LETMD1: variants seen among roughly 807,000 people sequenced by gnomAD.
LETMD1 encodes LETM1 domain containing 1, also known as LETM1 domain-containing protein 1.
LETMD1 carries 30 observed loss-of-function variants against 43.9 expected under a neutral mutation model. The ratio of observed to expected loss-of-function variants is 0.68; its 90% confidence interval spans 0.51 to 0.93. LETMD1 has a LOEUF of 0.93. Ranked by LOEUF, LETMD1 falls within the 40% of genes least tolerant of loss-of-function variation. The pLI, the probability that LETMD1 is intolerant of heterozygous loss-of-function variation, is 0.00. For synonymous variants in LETMD1, 176 were observed against 163.1 expected (o/e 1.08, Z -0.60); for missense variants, 413 against 447.7 (o/e 0.92, Z 0.70).
At chr12:51,055,134 A>G (rs913309343) in intron 4 of LETMD1, among the ~76,000 whole-genome samples, 5 of 151,984 alleles carry the variant, frequency 3.3e-5, no homozygotes, top group Admixed American at 2.6e-4. Context: ...CCTTTTACAT[A>G]CTGGGTCCAC....
chr12:51,049,255 A>C (rs913464021), intron 2 of LETMD1, 70 bp downstream of exon 2: 30 of 1,388,720 alleles, frequency 2.2e-5, no homozygotes, highest in Non-Finnish European at 3.0e-5. Flanking sequence ...AGCATAAATA[A>C]GATCATTTGC....
At chr12:51,066,870 G>A in the LETMD1 span, among the ~76,000 whole-genome samples, 5 of 151,884 alleles carry the variant, frequency 3.3e-5, no homozygotes, top group East Asian at 1.9e-4. Flanking sequence ...TCTGTCGCCC[G>A]GGCTGGAGTG....
At chr12:51,055,142 C>T (rs1265824538) in intron 4 of LETMD1, among the ~76,000 whole-genome samples, 2 of 151,966 alleles carry the variant, frequency 1.3e-5, no homozygotes, top group Admixed American at 1.3e-4. Flanking sequence ...ATACTGGGTC[C>T]ACATAAGGAC....
downstream of LETMD1, chr12:51,064,651 GA>G: frequency 6.5e-7 from 1 of 1,528,066 alleles, no homozygotes; most frequent in South Asian, 1.3e-5. Flanking sequence ...CAGCCACATG[GA>G]AAGGACATGC....
Position 51,055,853 on chromosome 12 carries a change from A to G in LETMD1, c.492A>G (p.Gln164=), listed in dbSNP as rs753294576. 2 of 1,608,194 alleles carry G rather than the reference A, an allele frequency of 1.2e-6. No individual in the cohort carries two copies. The highest frequency in any genetic ancestry group is 1.7e-6 in the Non-Finnish European group (2 of 1,177,142). ...VFLLMYLFPR[Q]LLIRHFWTPK... ...CTTTCAGGTACCTGTTTCCCAGGCA[A>G]CTACTGATCAGGCATTTCTGGACCC... Residue 164 remains glutamine, a synonymous_variant, in exon 5 of 9, where the codon CAA becomes CAG. Transcript: ENST00000262055.
rs12304653 is a variant in LETMD1 at position 51,053,595 on chromosome 12, A to G, written c.391-183A>G. ...GAGGCAGAGGTTGCAGTGAGCTAGG[A>G]TTGCACCACTGCACTCCAGCCTAGG... is the stretch of plus-strand genomic sequence containing the variant. On this transcript the variant is annotated intron_variant, in intron 3 of 8. Transcript: ENST00000262055. Among the ~76,000 whole-genome samples the G allele has an allele frequency of 7.6e-3, 1,164 of 152,270 alleles. 9 individuals carry two copies. The highest frequency in any genetic ancestry group is 0.026 in the African/African-American group (1,087 of 41,548).
At chr12:51,063,668 A>G, downstream of LETMD1, 6 of 1,117,696 alleles carry the variant, frequency 5.4e-6, no homozygotes, top group Non-Finnish European at 7.4e-6. Context: ...CTGCTTCTAC[A>G]GTTTTGTTTT....
chr12:51,063,830 C>T, downstream of LETMD1: 2 of 1,613,646 alleles, frequency 1.2e-6, no homozygotes, highest in Non-Finnish European at 1.7e-6. Flanking sequence ...TCCCACAGCC[C>T]TCTTCATTGT....
At chr12:51,058,178 A>G in intron 8 of LETMD1, 50 bp downstream of exon 8, 2 of 1,180,594 alleles carry the variant, frequency 1.7e-6, no homozygotes, top group Non-Finnish European at 2.5e-6. Context: ...TCACTTTTGT[A>G]TTTTATTCTG....
rs766353061 is a variant in LETMD1 at position 51,049,199 on chromosome 12, T to C, written c.274+14T>C. On this transcript the variant is annotated intron_variant, in intron 2 of 8. Transcript: ENST00000262055. ...TCTTCATGAAAGGTAAAAACGAAAC[T>C]ACAATAGAAATTCCGGAATCAGCTC... 1.1e-5 allele frequency: 17 copies of C among 1,602,282 alleles called. No individual in the cohort carries two copies. Among genetic ancestry groups the C allele is most frequent in the Non-Finnish European group, 1.4e-5 (17 of 1,172,858 alleles).
At chr12:51,051,754 G>A (rs1196332188) in intron 2 of LETMD1, among the ~76,000 whole-genome samples, 1 of 152,130 alleles carries the variant, frequency 6.6e-6, no homozygotes, top group Non-Finnish European at 1.5e-5. Context: ...ATTAATATCT[G>A]GCTGGGGAAT....
At chr12:51,065,512 T>C in the LETMD1 span, among the ~76,000 whole-genome samples, 1 of 152,196 alleles carries the variant, frequency 6.6e-6, no homozygotes, top group Admixed American at 6.5e-5. Flanking sequence ...TTTTTTCCTT[T>C]GGAGATAGGG....
downstream of LETMD1, chr12:51,061,394 T>TAAG (rs1948825667): frequency 6.6e-6 from 1 of 152,618 alleles, no homozygotes; most frequent in African/African-American, 2.4e-5. Flanking sequence ...GTTGTGGTAA[T>TAAG]AAGAGTCATT....
At chr12:51,049,247 CA>C in intron 2 of LETMD1, 62 bp downstream of exon 2, 1 of 1,425,008 alleles carries the variant, frequency 7.0e-7, no homozygotes, top group Non-Finnish European at 9.6e-7. Context: ...AAAGAGTTAG[CA>C]TAAATAAGAT....
At chr12:51,052,054 GA>G in intron 2 of LETMD1, 37 bp from the exon 3 acceptor site, 1 of 1,580,568 alleles carries the variant, frequency 6.3e-7, no homozygotes. Context: ...TTTAAACTGG[GA>G]TAACATCACA....
chr12:51,060,693 G>A (rs1176528718), downstream of LETMD1, among the ~76,000 whole-genome samples: 1 of 152,106 alleles, frequency 6.6e-6, no homozygotes, highest in Non-Finnish European at 1.5e-5. Context: ...ACAAGGTCAG[G>A]AGATCAAGAC....
chr12:51,051,750 A>T (rs1008959636), intron 2 of LETMD1, among the ~76,000 whole-genome samples: 3 of 152,212 alleles, frequency 2.0e-5, no homozygotes, highest in Non-Finnish European at 4.4e-5. Flanking sequence ...TTAAATTAAT[A>T]TCTGGCTGGG....
rs575683821 is a variant in LETMD1 at position 51,054,867 on chromosome 12, G to A, written c.474-968G>A. On this transcript the variant is annotated intron_variant, in intron 4 of 8. Coordinates refer to ENST00000262055, the MANE Select transcript of LETMD1 (RefSeq NM_015416.5). ...TGTAATCCCAGCACTTTGGGAGGCC[G>A]AGGCGGGCAGATCACAAGGTCAGGA... Among the ~76,000 whole-genome samples the A allele has an allele frequency of 1.1e-4, 16 of 152,262 alleles. No homozygotes were observed. The East Asian group carries it at 1.7e-3, about 17-fold the overall frequency.
chr12:51,064,164 G>A (rs745442348), downstream of LETMD1: 56 of 1,614,054 alleles, frequency 3.5e-5, no homozygotes, highest in East Asian at 1.3e-4. Context: ...GCTGTTCACC[G>A]TTGAGGCAGT....
Sources: allele counts gnomAD v4.1 joint callset (sites outside exome capture counted in the v4.1 genomes callset), GRCh38; gene constraint gnomAD v4.1.1; transcripts MANE v1.5; gene names NCBI Gene and HGNC (gene_info 2026-07-23, HGNC 2026-07-21).